Variants in KCNU1 observed in about 807,000 individuals in gnomAD.
KCNU1 encodes potassium channel subfamily U member 1.
KCNU1 carries 93 observed loss-of-function variants against 126.8 expected under a neutral mutation model. The observed-to-expected ratio is 0.73, with a 90% CI of 0.62 to 0.87. The LOEUF is 0.87. KCNU1 is among the 40% of genes least tolerant of loss of function. The probability of loss-of-function intolerance (pLI) is 0.00; values close to 1 mark genes in which losing one functional copy is unlikely to be tolerated. For synonymous variants in KCNU1, 523 were observed against 494.2 expected (o/e 1.06, Z -0.77); for missense variants, 1,330 against 1,367.1 (o/e 0.97, Z 0.43).
intron 16 of KCNU1, 36 bp downstream of exon 16, chr8:36,841,039 T>G (rs745751093): frequency 8.2e-7 from 1 of 1,212,364 alleles, no homozygotes; most frequent in Non-Finnish European, 1.2e-6. Context: ...CAGTTGTTTT[T>G]TTTTTTTTTT....
chr8:36,912,098 G>C (rs1164265238), intron 22 of KCNU1, among the ~76,000 whole-genome samples: 1 of 152,186 alleles, frequency 6.6e-6, no homozygotes, highest in Non-Finnish European at 1.5e-5. Context: ...TCTGTATCAA[G>C]ATCAGGTACT....
intron 14 of KCNU1, among the ~76,000 whole-genome samples, chr8:36,838,520 G>A (rs1804836491): frequency 6.6e-6 from 1 of 152,002 alleles, no homozygotes; most frequent in Non-Finnish European, 1.5e-5. Context: ...GTGAAACCCT[G>A]TCTCTAGTAA....
At chr8:36,835,530 G>T (rs531120882) in intron 12 of KCNU1, among the ~76,000 whole-genome samples, 41 of 152,058 alleles carry the variant, frequency 2.7e-4, no homozygotes, top group African/African-American at 9.4e-4. Context: ...TAGTAGAGAT[G>T]GGGTTTTACC....
chr8:36,790,536 G>T (rs1188797144), intron 2 of KCNU1, among the ~76,000 whole-genome samples: 1 of 151,766 alleles, frequency 6.6e-6, no homozygotes, highest in African/African-American at 2.4e-5. Context: ...GAGAAAATAA[G>T]TATAGATAAA....
intron 24 of KCNU1, among the ~76,000 whole-genome samples, chr8:36,927,762 G>C (rs1808576873): frequency 6.6e-6 from 1 of 152,044 alleles, no homozygotes; most frequent in Non-Finnish European, 1.5e-5. Context: ...AACATTATGG[G>C]CAGCAACATT....
At chr8:36,865,773 C>CAAAAAAAAAAAAAAAAAAAAAAAA (rs538090899) in intron 19 of KCNU1, among the ~76,000 whole-genome samples, 1 of 61,388 alleles carries the variant, frequency 1.6e-5, no homozygotes, top group African/African-American at 8.4e-5. Flanking sequence ...AAGAGCTTGT[C>CAAAAAAAAAAAAAAAAAAAAAAAA]AAAAAAAAAA....
At chr8:36,874,360 G>T (rs973608735) in intron 19 of KCNU1, among the ~76,000 whole-genome samples, 1 of 152,078 alleles carries the variant, frequency 6.6e-6, no homozygotes, top group African/African-American at 2.4e-5. Flanking sequence ...TTATTATATA[G>T]AATTCTGTGG....
At chr8:36,817,531 G>T (rs934155757) in intron 9 of KCNU1, 119 bp from the exon 10 acceptor site, 3 of 510,960 alleles carry the variant, frequency 5.9e-6, no homozygotes, top group African/African-American at 4.0e-5. Context: ...AAAAATCTGG[G>T]TGATGCAAAT....
chr8:36,898,222 A>T (rs1220373809), intron 19 of KCNU1, among the ~76,000 whole-genome samples: 1 of 152,114 alleles, frequency 6.6e-6, no homozygotes, highest in Non-Finnish European at 1.5e-5. Flanking sequence ...TAGAGAAAAG[A>T]CATTAAAATA....
chr8:36,841,034 GTTTTT>G (rs756308750), intron 16 of KCNU1, 31 bp downstream of exon 16: 382 of 561,096 alleles, frequency 6.8e-4, no homozygotes, highest in Middle Eastern at 1.5e-3. Context: ...CTCTTCAGTT[GTTTTT>G]TTTTTTTTTT....
At chr8:36,789,749 AG>A (rs1241426218) in intron 2 of KCNU1, among the ~76,000 whole-genome samples, 1 of 152,238 alleles carries the variant, frequency 6.6e-6, no homozygotes, top group East Asian at 1.9e-4. Context: ...ATCTCTAAAA[AG>A]GTAAGATTTG....
intron 7 of KCNU1, among the ~76,000 whole-genome samples, chr8:36,813,134 C>T (rs953715152): frequency 2.8e-4 from 43 of 152,224 alleles, no homozygotes; most frequent in African/African-American, 1.0e-3. Context: ...CCGCTATCAG[C>T]CATAAGACTT....
intron 20 of KCNU1, among the ~76,000 whole-genome samples, chr8:36,908,097 GT>G (rs539323596): frequency 2.3e-4 from 35 of 152,204 alleles, no homozygotes; most frequent in Middle Eastern, 3.4e-3. Context: ...CTGACTCCGA[GT>G]CCAGGGTTTT....
At chr8:36,854,472 C>CTTTT (rs35097649) in intron 18 of KCNU1, among the ~76,000 whole-genome samples, 1 of 135,458 alleles carries the variant, frequency 7.4e-6, no homozygotes, top group Non-Finnish European at 1.6e-5. Flanking sequence ...TATGCTGATT[C>CTTTT]TTTTTTTTTT....
At chr8:36,909,902 G>A (rs1279720482) in intron 21 of KCNU1, among the ~76,000 whole-genome samples, 2 of 152,094 alleles carry the variant, frequency 1.3e-5, no homozygotes, top group Non-Finnish European at 2.9e-5. Flanking sequence ...ATAATTTAAT[G>A]GCTACACCTA....
At chr8:36,811,985 A>T (rs955970407) in intron 7 of KCNU1, among the ~76,000 whole-genome samples, 7 of 151,272 alleles carry the variant, frequency 4.6e-5, no homozygotes, top group African/African-American at 1.7e-4. Flanking sequence ...AATCACTTGA[A>T]TCCGAGAGGC....
chr8:36,832,025 T>G (rs1034977669), intron 10 of KCNU1, among the ~76,000 whole-genome samples: 6 of 152,168 alleles, frequency 3.9e-5, no homozygotes, highest in Non-Finnish European at 8.8e-5. Context: ...GGAATCCTTT[T>G]TCCATTGCTT....
intron 6 of KCNU1, 122 bp from the exon 7 acceptor site, chr8:36,808,596 G>T (rs563244586): frequency 3.1e-6 from 2 of 651,696 alleles, no homozygotes; most frequent in Non-Finnish European, 5.6e-6. Flanking sequence ...ATATGTTTTC[G>T]GGTAATGCCG....
chr8:36,885,941 A>T (rs144236076), intron 19 of KCNU1, among the ~76,000 whole-genome samples: 58 of 152,322 alleles, frequency 3.8e-4, no homozygotes, highest in African/African-American at 1.3e-3. Flanking sequence ...CCTGAAGAAG[A>T]AAGGAGAAAC....
Sources: allele counts gnomAD v4.1 joint callset (sites outside exome capture counted in the v4.1 genomes callset), GRCh38; gene constraint gnomAD v4.1.1; transcripts MANE v1.5; gene names NCBI Gene and HGNC (gene_info 2026-07-23, HGNC 2026-07-21).